CDH13: variants seen among roughly 807,000 people sequenced by gnomAD.
CDH13 encodes the protein cadherin-13.
Under a neutral mutation model 63.8 loss-of-function variants are expected in CDH13, and 24 were observed. The ratio of observed to expected loss-of-function variants is 0.38; its 90% CI spans 0.27 to 0.53. The LOEUF (loss-of-function observed/expected upper bound fraction) is 0.53. CDH13 is among the 20% of genes least tolerant of loss of function. The pLI is 0.85. For missense variants in CDH13, 1,049 were observed against 903.1 expected (o/e 1.16, Z -2.07); for synonymous variants, 503 against 355.3 (o/e 1.42, Z -4.67).
chr16:83,293,330 C>T (rs555069427), intron 5 of CDH13, among the ~76,000 whole-genome samples: 2 of 152,202 alleles, frequency 1.3e-5, no homozygotes, highest in African/African-American at 2.4e-5. Flanking sequence ...TGTAACCTTC[C>T]CCATGCCTTC....
Position 83,598,093 on chromosome 16 carries a change from C to T in CDH13, c.961-4361C>T, listed in dbSNP as rs1253489680. Among the ~76,000 whole-genome samples the T allele has an allele frequency of 2.6e-5, 4 of 152,176 alleles. 1 individual carries two copies. Among genetic ancestry groups the T allele is most frequent in the Admixed American group, 2.6e-4 (4 of 15,278 alleles). ...GTTAAAGAAAGAATTAGACCAGGTG[C>T]AGTGGCTCATGCCTATAATCACAGC... On this transcript the variant is annotated intron_variant, in intron 7 of 13. Transcript: ENST00000567109.
chr16:82,681,141 A>G (rs1441889618), intron 1 of CDH13, among the ~76,000 whole-genome samples: 2 of 152,248 alleles, frequency 1.3e-5, no homozygotes, highest in Non-Finnish European at 2.9e-5. Flanking sequence ...TGAAAGATTA[A>G]AGGGAAAATG....
intron 1 of CDH13, among the ~76,000 whole-genome samples, chr16:82,640,152 A>G (rs2150885495): frequency 6.6e-6 from 1 of 152,326 alleles, no homozygotes; most frequent in Non-Finnish European, 1.5e-5. Flanking sequence ...AAACGTTCAA[A>G]TGGGGTAGAG....
Position 83,359,055 on chromosome 16 carries a change from C to G in CDH13, c.781+14049C>G, listed in dbSNP as rs117286821. On this transcript the variant is annotated intron_variant, in intron 6 of 13. Coordinates refer to ENST00000567109, the MANE Select transcript of CDH13 (RefSeq NM_001257.5). ...CCAGAGAGGAAAACTTTAAAGGGCT[C>G]TAGAAGGTTTTCAGAGAATATTAAT... 1.1e-3 allele frequency among the ~76,000 whole-genome samples: 167 copies of G among 152,154 alleles called. 2 individuals carry two copies. In the East Asian group the frequency reaches 0.029, roughly 26 times the overall value.
rs1223032272 is a variant in CDH13, at chr16:83,755,495, C to G, written c.1681+7245C>G. ...TGGATAAATTTGAAGAAAAACACACCTCAAACACTGAAATCAAACTGATGA... is the reference window on the plus strand; with the variant it reads ...TGGATAAATTTGAAGAAAAACACACGTCAAACACTGAAATCAAACTGATGA... On this transcript the variant is annotated intron_variant, in intron 11 of 13. Transcript: ENST00000567109. 4.2e-5 allele frequency among the ~76,000 whole-genome samples: 6 copies of G among 142,540 alleles called. No homozygotes were observed. The East Asian group carries it at 1.4e-3, about 33-fold the overall frequency. The allele number at this position is 142,540 out of a possible 152,430, so 93.5% of individuals were successfully genotyped here.
chr16:83,332,014 A>T (rs2090492019), intron 5 of CDH13, among the ~76,000 whole-genome samples: 2 of 152,142 alleles, frequency 1.3e-5, no homozygotes, highest in African/African-American at 2.4e-5. Flanking sequence ...AACAAATTGC[A>T]TTTCGGAAAG....
intron 3 of CDH13, among the ~76,000 whole-genome samples, chr16:83,045,908 A>G (rs1475452921): frequency 1.3e-5 from 2 of 152,190 alleles, no homozygotes; most frequent in Non-Finnish European, 2.9e-5. Flanking sequence ...AAATTAGCCT[A>G]TTTGGCCCTA....
intron 1 of CDH13, among the ~76,000 whole-genome samples, chr16:82,719,067 G>T (rs1303219880): frequency 6.6e-6 from 1 of 152,168 alleles, no homozygotes; most frequent in African/African-American, 2.4e-5. Context: ...TCCCTGGGTG[G>T]TTATGAGCCT....
intron 2 of CDH13, among the ~76,000 whole-genome samples, chr16:83,023,323 C>T (rs921273996): frequency 6.6e-6 from 1 of 152,160 alleles, no homozygotes; most frequent in Admixed American, 6.5e-5. Flanking sequence ...ACCCCGCCCT[C>T]CCAGGGTGTT....
At chr16:83,372,583 C>G (rs926877455) in intron 6 of CDH13, among the ~76,000 whole-genome samples, 1 of 151,764 alleles carries the variant, frequency 6.6e-6, no homozygotes, top group African/African-American at 2.4e-5. Flanking sequence ...GAAACCCCAT[C>G]TCTACTAAAA....
intron 6 of CDH13, among the ~76,000 whole-genome samples, chr16:83,411,958 G>A (rs1372389028): frequency 6.6e-6 from 1 of 152,164 alleles, no homozygotes; most frequent in Non-Finnish European, 1.5e-5. Flanking sequence ...TGGAATCCAA[G>A]CCTGTGTTCT....
At chr16:83,022,175 G>A (rs1915404076) in intron 2 of CDH13, among the ~76,000 whole-genome samples, 1 of 152,216 alleles carries the variant, frequency 6.6e-6, no homozygotes, top group South Asian at 2.1e-4. Context: ...GAAAGAGTCT[G>A]TCTGATATTT....
intron 5 of CDH13, among the ~76,000 whole-genome samples, chr16:83,268,377 G>A (rs1437261916): frequency 2.0e-5 from 3 of 152,306 alleles, no homozygotes; most frequent in Non-Finnish European, 2.9e-5. Flanking sequence ...TCGCACAAAT[G>A]CTGCTGCCAG....
At chr16:83,128,300 G>A (rs1382922339) in intron 4 of CDH13, among the ~76,000 whole-genome samples, 2 of 152,180 alleles carry the variant, frequency 1.3e-5, no homozygotes, top group African/African-American at 2.4e-5. Flanking sequence ...TTGTGGACCA[G>A]CTACATTAGC....
intron 1 of CDH13, among the ~76,000 whole-genome samples, chr16:82,789,764 A>G (rs2036198023): frequency 6.6e-6 from 1 of 152,192 alleles, no homozygotes; most frequent in Non-Finnish European, 1.5e-5. Context: ...TTCTTGCTCC[A>G]AGAGTTCCTA....
At chr16:83,491,988 T>C (rs1188564459) in intron 7 of CDH13, among the ~76,000 whole-genome samples, 4 of 152,186 alleles carry the variant, frequency 2.6e-5, no homozygotes, top group African/African-American at 9.6e-5. Context: ...CAAGAGTCCT[T>C]GAATATGTCA....
At chr16:83,088,015 G>T (rs2033700001) in intron 3 of CDH13, among the ~76,000 whole-genome samples, 1 of 152,174 alleles carries the variant, frequency 6.6e-6, no homozygotes. Context: ...ATTTGGAAAT[G>T]GTACAAGTAT....
At chr16:83,444,681 G>C (rs1275551230) in intron 6 of CDH13, among the ~76,000 whole-genome samples, 1 of 152,176 alleles carries the variant, frequency 6.6e-6, no homozygotes, top group Non-Finnish European at 1.5e-5. Flanking sequence ...TAACTGGCGA[G>C]CTGGAGTATA....
intron 1 of CDH13, among the ~76,000 whole-genome samples, chr16:82,853,643 G>A (rs1022828567): frequency 3.3e-5 from 5 of 152,208 alleles, no homozygotes; most frequent in African/African-American, 4.8e-5. Flanking sequence ...CGTCTGAAAC[G>A]TGAATCTTTG....
Sources: gnomAD v4.1 joint callset for allele counts (sites outside exome capture counted in the v4.1 genomes callset) on GRCh38, gnomAD v4.1.1 for gene constraint, MANE v1.5 for transcripts, NCBI Gene and HGNC (gene_info 2026-07-23, HGNC 2026-07-21) for gene names.